DIAPH2: variants seen among roughly 807,000 people sequenced by gnomAD.
The protein encoded by DIAPH2 is diaphanous related formin 2.
DIAPH2 carries 35 observed loss-of-function variants against 92.7 expected under a neutral mutation model. The observed-to-expected ratio is 0.38, with a 90% CI of 0.29 to 0.50. The LOEUF (loss-of-function observed/expected upper bound fraction) is 0.50. DIAPH2 is among the 20% of genes least tolerant of loss of function. The pLI is 0.94. For synonymous variants in DIAPH2, 301 were observed against 280.4 expected (o/e 1.07, Z -0.73); for missense variants, 701 against 819.5 (o/e 0.86, Z 1.77).
At chrX:96,847,011 C>T (rs147274054) in intron 4 of DIAPH2, among the ~76,000 whole-genome samples, 107 of 111,275 alleles carry the variant, frequency 9.6e-4, no homozygotes, top group Non-Finnish European at 1.6e-3. Flanking sequence ...ATGTGCATTG[C>T]CCCTTATTGC....
rs148477898 is a variant in DIAPH2, at chrX:97,276,509, G to A, written c.2844+28670G>A. On this transcript the variant is annotated intron_variant, in intron 23 of 26. Coordinates refer to ENST00000324765, the MANE Select transcript of DIAPH2 (RefSeq NM_006729.5). ...ATCTTGTTTTGCACTTCTAAGAGAT[G>A]GAATACCCCCAATGAGTTTCCTTTG... Among the ~76,000 whole-genome samples the A allele has an allele frequency of 9.7e-3, 1,073 of 110,785 alleles. 12 individuals carry two copies. Among genetic ancestry groups the A allele is most frequent in the African/African-American group, 0.034 (1,030 of 30,443 alleles).
chrX:96,961,460 CA>C (rs35983520), intron 16 of DIAPH2, among the ~76,000 whole-genome samples: 33,542 of 82,074 alleles, frequency 0.41, 5,877 homozygotes, highest in South Asian at 0.55. Context: ...TTTATCTTTT[CA>C]AAAAAAAAAA....
intron 26 of DIAPH2, among the ~76,000 whole-genome samples, chrX:97,497,446 AT>A (rs376528999): frequency 0.019 from 1,799 of 92,652 alleles, 24 homozygotes; most frequent in African/African-American, 0.049. Context: ...CTCTGATCAC[AT>A]TTTTTTTTTT....
chrX:96,734,098 T>G (rs2064072519), intron 1 of DIAPH2, among the ~76,000 whole-genome samples: 1 of 112,517 alleles, frequency 8.9e-6, no homozygotes, highest in African/African-American at 3.2e-5. Flanking sequence ...TTCTTGTGTC[T>G]GTCTCCCATG....
At chrX:97,240,772 G>A (rs766118508) in intron 22 of DIAPH2, among the ~76,000 whole-genome samples, 11 of 111,214 alleles carry the variant, frequency 9.9e-5, no homozygotes, top group African/African-American at 3.6e-4. Context: ...GTGTAGGAAA[G>A]AGGATAGTGA....
At position 97,469,561 on chromosome X, in the gene DIAPH2, C is replaced by T. The variant is rs142403975; in HGVS notation, c.3241+39816C>T. 2,237 of 504,033 alleles carry T rather than the reference C, an allele frequency of 4.4e-3. 31 individuals carry two copies. In the African/African-American group the frequency reaches 0.049, roughly 11 times the overall value. The allele number at this position is 504,033 out of a possible 1,213,427, so 41.5% of individuals were successfully genotyped here. ...TTGTTGAACTTCTCATTTTAAGTTA[C>T]AGTAGCACAATCCTAAATCAGTATT... On this transcript the variant is annotated intron_variant, in intron 26 of 26. Coordinates refer to ENST00000324765, the MANE Select transcript of DIAPH2 (RefSeq NM_006729.5).
At chrX:97,293,619 G>T (rs1292589347) in intron 23 of DIAPH2, among the ~76,000 whole-genome samples, 2 of 111,705 alleles carry the variant, frequency 1.8e-5, no homozygotes, top group Non-Finnish European at 3.8e-5. Flanking sequence ...TGAAGGCCTT[G>T]TCTTTTATAA....
rs999775240 is a variant in DIAPH2 at position 97,427,177 on chromosome X, CA to C, written c.3146-2460del. Among the ~76,000 whole-genome samples, 370 of 90,403 alleles carry C rather than the reference CA, an allele frequency of 4.1e-3. 1 individual carries two copies. The highest frequency in any genetic ancestry group is 0.01 in the African/African-American group (252 of 24,591). 78.5% of individuals were successfully genotyped at this position (90,403 alleles called of 115,157 possible). A position where few individuals can be genotyped will look rare whatever the true frequency, so the allele number is the denominator to read the frequency against. On this transcript the variant is annotated intron_variant, in intron 25 of 26. Transcript: ENST00000324765. ...TGTTCAACAGAGTGAGACTCTGGCT[CA>C]AAAAAAAAAAAATCAATTTTACCTT...
intron 3 of DIAPH2, among the ~76,000 whole-genome samples, chrX:96,751,647 G>GTTTTTTTTTTTTTTTTTTTT (rs1332024432): frequency 5.9e-5 from 5 of 85,012 alleles, no homozygotes; most frequent in South Asian, 6.2e-4. Flanking sequence ...AGACTTCAGT[G>GTTTTTTTTTTTTTTTTTTTT]TTTTGTTTTT....
chrX:97,060,707 A>G (rs1374823026), intron 17 of DIAPH2, among the ~76,000 whole-genome samples: 4 of 112,166 alleles, frequency 3.6e-5, no homozygotes, highest in African/African-American at 1.3e-4. Flanking sequence ...GCAATTACCC[A>G]TTATTTTACT....
In DIAPH2 at chrX:97,591,431, TAGAC is replaced by T. The variant is rs780257803; in HGVS notation, c.3242-7814_3242-7811del. The stretch of plus-strand genomic sequence containing the variant: ...AGCTTATGCAGTAACAACGTGTGGA[TAGAC>T]AGACAGAAGAAAGCCTTTCCTTTCC... On this transcript the variant is annotated intron_variant, in intron 26 of 26. Coordinates refer to ENST00000324765, the MANE Select transcript of DIAPH2 (RefSeq NM_006729.5). Among the ~76,000 whole-genome samples the T allele has an allele frequency of 2.3e-4, 26 of 112,403 alleles. 1 individual carries two copies. Among genetic ancestry groups the T allele is most frequent in the Admixed American group, 3.8e-4 (4 of 10,597 alleles).
chrX:97,281,859 A>T (rs1283338114), intron 23 of DIAPH2, among the ~76,000 whole-genome samples: 1 of 111,727 alleles, frequency 9.0e-6, no homozygotes, highest in Non-Finnish European at 1.9e-5. Flanking sequence ...AAAGCTCCTT[A>T]GCTTGATGTA....
At chrX:97,018,253 A>T (rs1602719605) in intron 17 of DIAPH2, among the ~76,000 whole-genome samples, 2 of 112,103 alleles carry the variant, frequency 1.8e-5, no homozygotes, top group Non-Finnish European at 1.9e-5. Context: ...CATATGTGAA[A>T]CAGGAGAGGC....
intron 4 of DIAPH2, among the ~76,000 whole-genome samples, chrX:96,789,135 A>G (rs2064480987): frequency 1.8e-5 from 2 of 112,023 alleles, no homozygotes; most frequent in African/African-American, 6.5e-5. Flanking sequence ...GGAGGAATCT[A>G]CTGGTGGGCT....
At chrX:96,715,034 G>A (rs1354884715) in intron 1 of DIAPH2, among the ~76,000 whole-genome samples, 2 of 111,855 alleles carry the variant, frequency 1.8e-5, no homozygotes, top group South Asian at 7.4e-4. Flanking sequence ...AAAACATTAG[G>A]TAACTTTTTA....
At chrX:96,807,119 AC>A (rs763129453) in intron 4 of DIAPH2, among the ~76,000 whole-genome samples, 1 of 111,619 alleles carries the variant, frequency 9.0e-6, no homozygotes, top group East Asian at 2.8e-4. Context: ...ATACATTTTT[AC>A]CCTTGCAACA....
At chrX:96,839,318 T>C (rs1243912913) in intron 4 of DIAPH2, among the ~76,000 whole-genome samples, 1 of 111,263 alleles carries the variant, frequency 9.0e-6, no homozygotes, top group Non-Finnish European at 1.9e-5. Flanking sequence ...AAATGTTTCT[T>C]TTTGCCAGTA....
At chrX:97,009,986 C>T (rs1384745883) in intron 17 of DIAPH2, among the ~76,000 whole-genome samples, 2 of 111,709 alleles carry the variant, frequency 1.8e-5, no homozygotes, top group African/African-American at 3.3e-5. Flanking sequence ...CCACTGACTC[C>T]GTGCCCACCA....
At chrX:97,155,986 T>C (rs1184152736) in intron 22 of DIAPH2, among the ~76,000 whole-genome samples, 1 of 112,218 alleles carries the variant, frequency 8.9e-6, no homozygotes, top group African/African-American at 3.2e-5. Flanking sequence ...ACAAGTGGTT[T>C]GTGGTAATGA....
Sources: allele counts gnomAD v4.1 joint callset (sites outside exome capture counted in the v4.1 genomes callset), GRCh38; gene constraint gnomAD v4.1.1; transcripts MANE v1.5; gene names NCBI Gene and HGNC (gene_info 2026-07-23, HGNC 2026-07-21).